Variants in IL17RD observed in about 807,000 individuals in gnomAD.
IL17RD encodes the protein interleukin-17 receptor D.
In IL17RD, 52 loss-of-function variants were observed where a neutral mutation model predicts 80.5. The observed-to-expected ratio is 0.65, with a 90% CI of 0.52 to 0.81. IL17RD has a LOEUF of 0.81. IL17RD is among the 40% of genes least tolerant of loss of function. The pLI is 0.00. For missense variants in IL17RD, 1,024 were observed against 955.1 expected, an observed-to-expected ratio of 1.07 and a Z score of -0.95; for synonymous variants, 416 against 391.8, an observed-to-expected ratio of 1.06 and a Z score of -0.73.
At position 57,098,371 on chromosome 3, in the gene IL17RD, C is replaced by T. The variant is rs757833260; in HGVS notation, c.1332G>A (p.Ser444=). 1.9e-6 allele frequency: 3 copies of T among 1,614,028 alleles called. No homozygotes were observed. Among genetic ancestry groups the T allele is most frequent in the East Asian group, 2.2e-5 (1 of 44,876 alleles). ...NYKHKGGGRG[S]GKGELFLVAV... is the part of the protein sequence containing the mutation. Reference sequence around the variant, plus strand: ...CCACCAGGAAGAGCTCTCCTTTCCCCGAGCCTCGGCCACCTCCTTTGTGTT... The same window carrying T: ...CCACCAGGAAGAGCTCTCCTTTCCCTGAGCCTCGGCCACCTCCTTTGTGTT... The change falls in exon 12 of 13, where the codon TCG becomes TCA. Residue 444 remains serine (S), a synonymous_variant. Transcript: ENST00000296318.
Position 57,142,927 on chromosome 3 carries a change from A to G in IL17RD, c.126+22234T>C, listed in dbSNP as rs114333476. Among the ~76,000 whole-genome samples, 912 of 152,286 alleles carry G rather than the reference A, an allele frequency of 6.0e-3. 3 individuals carry two copies. Among genetic ancestry groups the G allele is most frequent in the Non-Finnish European group, 0.011 (733 of 68,022 alleles). On this transcript the variant is annotated intron_variant, in intron 1 of 12. Coordinates refer to ENST00000296318, the MANE Select transcript of IL17RD (RefSeq NM_017563.5). ...CAGAGTCCTTTTTAACCACAGAGAG[A>G]TTTAAATAATCTGTTATAAAGTTTC...
At chr3:57,136,660 AAAAAC>A (rs1289922182) in intron 1 of IL17RD, among the ~76,000 whole-genome samples, 7 of 150,906 alleles carry the variant, frequency 4.6e-5, no homozygotes, top group African/African-American at 1.7e-4. Context: ...AAAAAAAAAA[AAAAAC>A]TTAGCTGATC....
Position 57,098,203 on chromosome 3 carries a change from G to C in IL17RD, c.1500C>G (p.Leu500=), listed in dbSNP as rs1706737900. 6.2e-7 allele frequency: 1 copy of C among 1,613,790 alleles called. No homozygotes were observed. The highest frequency in any genetic ancestry group is 8.5e-7 in the Non-Finnish European group (1 of 1,179,846). The change falls in exon 12 of 13, where the codon CTC becomes CTG. Residue 500 remains leucine (L), a synonymous_variant. Transcript: ENST00000296318. ...GILDLSTKYR[L]MDNLPQLCSH... ...AACAGAGCTGAGGAAGATTGTCCAT[G>C]AGTCTGTACTTGGTACTCAGGTCTA...
chr3:57,108,705 G>A (rs1174556987), intron 5 of IL17RD, among the ~76,000 whole-genome samples: 6 of 150,894 alleles, frequency 4.0e-5, no homozygotes, highest in Non-Finnish European at 5.9e-5. Flanking sequence ...TAGTACAGAC[G>A]GGGTTTCACC....
chr3:57,161,006 C>CT (rs1201478273), intron 1 of IL17RD, among the ~76,000 whole-genome samples: 1 of 152,192 alleles, frequency 6.6e-6, no homozygotes. Flanking sequence ...GCCCCAGGCA[C>CT]TGCAGGGGCT....
intron 1 of IL17RD, among the ~76,000 whole-genome samples, chr3:57,127,355 TATAAATATAA>T (rs1247990351): frequency 1.1e-5 from 1 of 94,586 alleles, no homozygotes; most frequent in Non-Finnish European, 1.9e-5. Flanking sequence ...TATAAATATA[TATAAATATAA>T]ATATATATAT....
At chr3:57,139,824 T>C (rs533515928) in intron 1 of IL17RD, among the ~76,000 whole-genome samples, 10 of 152,320 alleles carry the variant, frequency 6.6e-5, no homozygotes, top group African/African-American at 2.4e-4. Context: ...GCTGAAAACC[T>C]TTTTGATTAC....
chr3:57,127,717 T>G (rs909057799), intron 1 of IL17RD, among the ~76,000 whole-genome samples: 4 of 152,080 alleles, frequency 2.6e-5, no homozygotes, highest in African/African-American at 4.8e-5. Context: ...ATACTTTCTG[T>G]TTTTCTATAA....
At chr3:57,096,563 G>T in intron 12 of IL17RD, 58 bp from the exon 13 acceptor site, 1 of 1,190,152 alleles carries the variant, frequency 8.4e-7, no homozygotes, top group Non-Finnish European at 1.3e-6. Flanking sequence ...GGGCTGGGCA[G>T]GTGCTCATGG....
chr3:57,164,654 C>A (rs1289299244), intron 1 of IL17RD, among the ~76,000 whole-genome samples: 1 of 152,160 alleles, frequency 6.6e-6, no homozygotes, highest in Non-Finnish European at 1.5e-5. Context: ...AACAAAGCTA[C>A]TAGAAGAGCG....
At chr3:57,127,315 A>AATAT (rs1707500285) in intron 1 of IL17RD, among the ~76,000 whole-genome samples, 5 of 81,242 alleles carry the variant, frequency 6.2e-5, no homozygotes, top group Non-Finnish European at 1.0e-4. Flanking sequence ...AAAATATATA[A>AATAT]AAATATATAT....
chr3:57,126,500 C>T (rs1707461452), intron 1 of IL17RD, among the ~76,000 whole-genome samples: 1 of 152,176 alleles, frequency 6.6e-6, no homozygotes, highest in Non-Finnish European at 1.5e-5. Flanking sequence ...TACAGAGAGG[C>T]CGGCAGCGGA....
chr3:57,167,546 CT>C (rs2060353628), upstream of IL17RD, among the ~76,000 whole-genome samples: 1 of 152,140 alleles, frequency 6.6e-6, no homozygotes, highest in Non-Finnish European at 1.5e-5. Flanking sequence ...AGGCGACCAG[CT>C]CCTTAATCTA....
chr3:57,134,186 T>C (rs1428014854), intron 1 of IL17RD: 38 of 678,732 alleles, frequency 5.6e-5, no homozygotes, highest in Non-Finnish European at 8.3e-5. Context: ...TCCTCTGCTG[T>C]GGCAAGAAGA....
At chr3:57,110,427 C>T (rs1707071949) in intron 3 of IL17RD, 116 bp from the exon 4 acceptor site, 2 of 1,170,408 alleles carry the variant, frequency 1.7e-6, no homozygotes, top group Non-Finnish European at 2.4e-6. Flanking sequence ...GGAATTCTAA[C>T]TGTGGCCAGG....
chr3:57,169,245 G>GTCTC, upstream of IL17RD: 3 of 519,026 alleles, frequency 5.8e-6, no homozygotes, highest in Admixed American at 5.8e-5. Context: ...CCAAGGCCAG[G>GTCTC]ATTGCCTGTA....
At chr3:57,102,993 A>C in intron 9 of IL17RD, 98 bp downstream of exon 9, 1 of 825,304 alleles carries the variant, frequency 1.2e-6, no homozygotes. Flanking sequence ...AGAGGAGCCA[A>C]ATTTTGTTTT....
At position 57,097,933 on chromosome 3, in the gene IL17RD, A is replaced by T; in HGVS notation, c.1770T>A (p.Asp590Glu). Residue 590 changes from aspartate to glutamate, a missense_variant, in exon 12 of 13, where the codon GAT (aspartate) becomes GAA (glutamate). Transcript: ENST00000296318. ...EKFDSGLVLN[D>E]VMCKPGPESD... is the part of the protein sequence containing the mutation. ...TCTCAGGCCCTGGTTTGCACATGAC[A>T]TCATTTAAAACCAAGCCCGAATCAA... 6.2e-7 allele frequency: 1 copy of T among 1,614,048 alleles called. No homozygotes were observed. The highest frequency in any genetic ancestry group is 1.1e-5 in the South Asian group (1 of 91,080).
intron 5 of IL17RD, among the ~76,000 whole-genome samples, chr3:57,107,106 C>T (rs542869433): frequency 6.9e-4 from 105 of 152,250 alleles, no homozygotes; most frequent in South Asian, 2.3e-3. Flanking sequence ...GGGCCGGGCG[C>T]GGTGGCTCAT....
Sources: gnomAD v4.1 joint callset for allele counts (sites outside exome capture counted in the v4.1 genomes callset) on GRCh38, gnomAD v4.1.1 for gene constraint, MANE v1.5 for transcripts, NCBI Gene and HGNC (gene_info 2026-07-23, HGNC 2026-07-21) for gene names.